PTPRD: variants seen among roughly 807,000 people sequenced by gnomAD.
The protein encoded by PTPRD is receptor-type tyrosine-protein phosphatase delta.
A neutral mutation model predicts 214.5 loss-of-function variants in PTPRD; 34 were observed. That is an observed-to-expected ratio of 0.16 (90% confidence interval 0.12 to 0.21). The LOEUF is 0.21. Among genes scored for constraint, PTPRD ranks in the 10% least tolerant of loss-of-function variants. PTPRD has a pLI of 1.00. For synonymous variants in PTPRD, 1,128 were observed against 845.7 expected, an observed-to-expected ratio of 1.33 and a Z score of -5.79; for missense variants, 2,545 against 2,398.7, an observed-to-expected ratio of 1.06 and a Z score of -1.27.
At chr9:9,157,009 T>G (rs1037159058) in intron 10 of PTPRD, among the ~76,000 whole-genome samples, 1 of 152,194 alleles carries the variant, frequency 6.6e-6, no homozygotes, top group African/African-American at 2.4e-5. Context: ...CCACATATTT[T>G]CAGTTTTTTG....
intron 3 of PTPRD, among the ~76,000 whole-genome samples, chr9:10,128,869 T>C (rs921721094): frequency 5.3e-5 from 8 of 152,204 alleles, no homozygotes; most frequent in Non-Finnish European, 2.9e-5. Flanking sequence ...TATTAATTAA[T>C]TAAAAATAAA....
At chr9:10,492,696 G>A (rs2040727379) in intron 2 of PTPRD, among the ~76,000 whole-genome samples, 1 of 152,062 alleles carries the variant, frequency 6.6e-6, no homozygotes, top group Non-Finnish European at 1.5e-5. Context: ...TTCTTTTGAT[G>A]TGCAGAAGCT....
intron 6 of PTPRD, among the ~76,000 whole-genome samples, chr9:9,762,067 G>A (rs1474737141): frequency 6.6e-6 from 1 of 152,124 alleles, no homozygotes; most frequent in Non-Finnish European, 1.5e-5. Flanking sequence ...GCCAGTGTCC[G>A]AATCCCAAGG....
At chr9:9,942,327 T>C (rs2091682225) in intron 4 of PTPRD, among the ~76,000 whole-genome samples, 2 of 152,166 alleles carry the variant, frequency 1.3e-5, no homozygotes, top group South Asian at 4.1e-4. Context: ...ATAAAAAGCA[T>C]CTTCATCATC....
intron 11 of PTPRD, among the ~76,000 whole-genome samples, chr9:8,887,517 TCTTA>T: frequency 6.6e-6 from 1 of 152,268 alleles, no homozygotes; most frequent in East Asian, 1.9e-4. Context: ...AATCTGAACT[TCTTA>T]CTTACTGGCC....
intron 14 of PTPRD, among the ~76,000 whole-genome samples, chr9:8,554,907 C>G (rs138425565): frequency 6.6e-6 from 1 of 152,092 alleles, no homozygotes; most frequent in African/African-American, 2.4e-5. Flanking sequence ...GGATCAGAGT[C>G]CATCAAGTTG....
At chr9:9,535,713 G>A (rs1408859306) in intron 8 of PTPRD, among the ~76,000 whole-genome samples, 3 of 151,984 alleles carry the variant, frequency 2.0e-5, no homozygotes, top group South Asian at 2.1e-4. Context: ...GTGAGCTCAC[G>A]TTAAAGGGCC....
intron 10 of PTPRD, among the ~76,000 whole-genome samples, chr9:9,081,537 T>G (rs2099759025): frequency 6.6e-6 from 1 of 152,102 alleles, no homozygotes; most frequent in East Asian, 1.9e-4. Flanking sequence ...CGAGTACAAG[T>G]CCTGAATATC....
chr9:9,221,084 C>A (rs763962005), intron 9 of PTPRD, among the ~76,000 whole-genome samples: 1 of 152,094 alleles, frequency 6.6e-6, no homozygotes, highest in South Asian at 2.1e-4. Flanking sequence ...GCCATGAAAT[C>A]AACCAGGTAC....
intron 9 of PTPRD, among the ~76,000 whole-genome samples, chr9:9,339,394 G>C (rs953233269): frequency 4.6e-5 from 7 of 152,044 alleles, no homozygotes; most frequent in African/African-American, 1.7e-4. Flanking sequence ...GCTGAGGCAG[G>C]AGAATGGTGT....
At chr9:9,588,754 GC>G (rs1461351105) in intron 7 of PTPRD, among the ~76,000 whole-genome samples, 1 of 151,916 alleles carries the variant, frequency 6.6e-6, no homozygotes. Context: ...TACGGGAACT[GC>G]ATCAATATGT....
At chr9:10,594,862 T>G (rs931912578) in intron 2 of PTPRD, among the ~76,000 whole-genome samples, 22 of 151,978 alleles carry the variant, frequency 1.4e-4, no homozygotes, top group African/African-American at 5.3e-4. Flanking sequence ...CAATACCATA[T>G]TAAATGAAAA....
intron 3 of PTPRD, among the ~76,000 whole-genome samples, chr9:10,049,550 G>T (rs552517942): frequency 6.6e-6 from 1 of 152,064 alleles, no homozygotes; most frequent in Non-Finnish European, 1.5e-5. Context: ...TGCTGCAAAA[G>T]ATTTGAGGTC....
chr9:8,641,724 T>C (rs2096580997), intron 12 of PTPRD, among the ~76,000 whole-genome samples: 1 of 152,186 alleles, frequency 6.6e-6, no homozygotes, highest in Non-Finnish European at 1.5e-5. Flanking sequence ...ATTTAGTAGA[T>C]TATTATTTGC....
chr9:8,356,828 C>T (rs907809494), intron 39 of PTPRD, among the ~76,000 whole-genome samples: 1 of 152,042 alleles, frequency 6.6e-6, no homozygotes, highest in Admixed American at 6.6e-5. Context: ...TAAAATGATT[C>T]ATTGAGAGCT....
At chr9:8,533,591 T>C (rs934745799) in intron 14 of PTPRD, among the ~76,000 whole-genome samples, 1 of 151,980 alleles carries the variant, frequency 6.6e-6, no homozygotes, top group African/African-American at 2.4e-5. Context: ...GCTGTTATCA[T>C]GAAGCATTCA....
At chr9:10,180,516 C>G (rs1249544146) in intron 3 of PTPRD, among the ~76,000 whole-genome samples, 17 of 147,544 alleles carry the variant, frequency 1.2e-4, no homozygotes, top group African/African-American at 4.2e-4. Flanking sequence ...GAGAGTCCAT[C>G]TAATTTTCCA....
intron 3 of PTPRD, among the ~76,000 whole-genome samples, chr9:10,287,588 C>A (rs1565048667): frequency 1.3e-5 from 2 of 151,942 alleles, no homozygotes; most frequent in Admixed American, 1.3e-4. Context: ...TCAGGTGGTG[C>A]CATGAGAAAT....
At chr9:9,172,177 T>C (rs182371042) in intron 10 of PTPRD, among the ~76,000 whole-genome samples, 1 of 152,284 alleles carries the variant, frequency 6.6e-6, no homozygotes, top group Admixed American at 6.5e-5. Flanking sequence ...TAATTCATCC[T>C]AGTAAATTCT....
Sources: allele counts gnomAD v4.1 joint callset (sites outside exome capture counted in the v4.1 genomes callset), GRCh38; gene constraint gnomAD v4.1.1; transcripts MANE v1.5; gene names NCBI Gene and HGNC (gene_info 2026-07-23, HGNC 2026-07-21).